KCNIP4: variants seen among roughly 807,000 people sequenced by gnomAD.
KCNIP4 encodes the protein potassium voltage-gated channel interacting protein 4.
Under a neutral mutation model 34.0 loss-of-function variants are expected in KCNIP4, and 12 were observed. The ratio of observed to expected loss-of-function variants is 0.35; its 90% CI spans 0.23 to 0.57. KCNIP4 has a LOEUF of 0.57. Ranked by LOEUF, KCNIP4 falls within the 20% of genes least tolerant of loss-of-function variation. The pLI, the probability that KCNIP4 is intolerant of heterozygous loss-of-function variation, is 0.83. For missense variants in KCNIP4, 238 were observed against 311.7 expected, an observed-to-expected ratio of 0.76 and a Z score of 1.78; for synonymous variants, 124 against 102.2, an observed-to-expected ratio of 1.21 and a Z score of -1.29.
At chr4:21,051,739 G>A (rs942910225) in intron 1 of KCNIP4, among the ~76,000 whole-genome samples, 3 of 152,132 alleles carry the variant, frequency 2.0e-5, no homozygotes, top group Non-Finnish European at 2.9e-5. Flanking sequence ...AGAGTGTGCA[G>A]CATATTGCAA....
chr4:21,615,340 A>G (rs982801487), intron 1 of KCNIP4, among the ~76,000 whole-genome samples: 2 of 151,632 alleles, frequency 1.3e-5, no homozygotes, highest in African/African-American at 4.8e-5. Context: ...GAAGATCGAG[A>G]CCATCCTGGC....
At chr4:21,946,160 C>T (rs1336055865) in intron 1 of KCNIP4, among the ~76,000 whole-genome samples, 1 of 151,832 alleles carries the variant, frequency 6.6e-6, no homozygotes, top group African/African-American at 2.4e-5. Context: ...CATCCTTTGC[C>T]TTTCAGCAAA....
rs1553893353 is a variant in KCNIP4, at chr4:21,501,688, T to TTGTGTGTGTATGTGTGTGTGTG, written c.61+446882_61+446883insCACACACACACATACACACACA. On this transcript the variant is annotated intron_variant, in intron 1 of 8. Transcript: ENST00000382152. ...TTCACATTTTGGGAATGCAGAAGCC[T>TTGTGTGTGTATGTGTGTGTGTG]TGTGTGTGTGTGTGTGTGTGTGTGT... Among the ~76,000 whole-genome samples, 1,116 of 127,302 alleles carry TTGTGTGTGTATGTGTGTGTGTG rather than the reference T, an allele frequency of 8.8e-3. 18 individuals are homozygous for TTGTGTGTGTATGTGTGTGTGTG. Among genetic ancestry groups the TTGTGTGTGTATGTGTGTGTGTG allele is most frequent in the East Asian group, 0.047 (219 of 4,636 alleles). The allele number at this position is 127,302 out of a possible 152,430, so 83.5% of individuals were successfully genotyped here. A position where few individuals can be genotyped will look rare whatever the true frequency, so the allele number is the denominator to read the frequency against.
chr4:20,824,092 T>C (rs1717424614), intron 3 of KCNIP4, among the ~76,000 whole-genome samples: 1 of 152,210 alleles, frequency 6.6e-6, no homozygotes, highest in South Asian at 2.1e-4. Context: ...TGTTGTTGTG[T>C]ATATTAACAT....
chr4:21,572,149 T>A (rs1213101207), intron 1 of KCNIP4, among the ~76,000 whole-genome samples: 1 of 152,188 alleles, frequency 6.6e-6, no homozygotes, highest in Non-Finnish European at 1.5e-5. Context: ...CATATATAAG[T>A]ACATATCTGT....
intron 2 of KCNIP4, among the ~76,000 whole-genome samples, chr4:20,870,363 C>A (rs1723316551): frequency 6.6e-6 from 1 of 152,038 alleles, no homozygotes; most frequent in Non-Finnish European, 1.5e-5. Flanking sequence ...GCTTGCTGCC[C>A]CTTCACCCGT....
At chr4:21,129,349 C>A (rs1445340787) in intron 1 of KCNIP4, among the ~76,000 whole-genome samples, 2 of 152,188 alleles carry the variant, frequency 1.3e-5, no homozygotes, top group Admixed American at 1.3e-4. Flanking sequence ...ATGTAGCACT[C>A]AGGACAAAGT....
intron 1 of KCNIP4, among the ~76,000 whole-genome samples, chr4:21,490,656 A>G (rs1732312269): frequency 6.6e-6 from 1 of 152,224 alleles, no homozygotes; most frequent in Admixed American, 6.5e-5. Context: ...AGAAGTGCAC[A>G]CTATTCATTT....
intron 1 of KCNIP4, among the ~76,000 whole-genome samples, chr4:21,342,674 C>T (rs376748029): frequency 1.3e-5 from 2 of 152,030 alleles, no homozygotes; most frequent in South Asian, 2.1e-4. Context: ...AATGTATTCA[C>T]CCCTTATTCT....
At chr4:21,331,008 T>C (rs1367680704) in intron 1 of KCNIP4, among the ~76,000 whole-genome samples, 2 of 152,170 alleles carry the variant, frequency 1.3e-5, no homozygotes, top group African/African-American at 4.8e-5. Flanking sequence ...TCCTAATTTG[T>C]TCCTGTGTCC....
intron 1 of KCNIP4, among the ~76,000 whole-genome samples, chr4:21,011,530 A>G (rs1023284953): frequency 6.6e-6 from 1 of 152,224 alleles, no homozygotes; most frequent in African/African-American, 2.4e-5. Flanking sequence ...CTTCTGGACT[A>G]TAAATGATTA....
intron 1 of KCNIP4, among the ~76,000 whole-genome samples, chr4:21,609,804 T>C (rs867742515): frequency 6.6e-6 from 1 of 152,250 alleles, no homozygotes; most frequent in African/African-American, 2.4e-5. Context: ...TACTATGTGC[T>C]AAGACTGTGT....
chr4:21,670,940 G>A (rs1426661342), intron 1 of KCNIP4, among the ~76,000 whole-genome samples: 1 of 151,496 alleles, frequency 6.6e-6, no homozygotes, highest in Non-Finnish European at 1.5e-5. Flanking sequence ...ACAGGTGTGA[G>A]CCACCGCGCC....
chr4:20,729,479 T>TAAATGTTTAA lies in KCNIP4; in HGVS notation c.*593_*602dup, dbSNP rs1747258323. On this transcript the variant is annotated 3_prime_UTR_variant, in exon 9 of 9. Coordinates refer to ENST00000382152, the MANE Select transcript of KCNIP4 (RefSeq NM_025221.6). The stretch of plus-strand genomic sequence containing the variant: ...TGATATCTGATAATAAACTAATTTT[T>TAAATGTTTAA]AAATGTTTAATAATTTTTAAATGTT... The TAAATGTTTAA allele has an allele frequency of 8.4e-6, 1 of 118,400 alleles. No individual in the cohort carries two copies. Among genetic ancestry groups the TAAATGTTTAA allele is most frequent in the Admixed American group, 8.0e-5 (1 of 12,520 alleles). The allele number at this position is 118,400 out of a possible 1,614,324, so 7.3% of individuals were successfully genotyped here.
At chr4:21,243,813 C>G (rs1435006083) in intron 1 of KCNIP4, among the ~76,000 whole-genome samples, 2 of 151,894 alleles carry the variant, frequency 1.3e-5, no homozygotes, top group African/African-American at 4.8e-5. Flanking sequence ...CAACAAAAAC[C>G]CTGTTTCTTG....
intron 1 of KCNIP4, among the ~76,000 whole-genome samples, chr4:20,994,515 A>G (rs1310549150): frequency 6.6e-6 from 1 of 152,216 alleles, no homozygotes; most frequent in Non-Finnish European, 1.5e-5. Flanking sequence ...CAAAATATTA[A>G]AAAGGGAACA....
chr4:21,520,661 C>A (rs899422146), intron 1 of KCNIP4, among the ~76,000 whole-genome samples: 1 of 152,134 alleles, frequency 6.6e-6, no homozygotes, highest in African/African-American at 2.4e-5. Context: ...AAGAAGCCCA[C>A]AGAGGAAATT....
intron 1 of KCNIP4, among the ~76,000 whole-genome samples, chr4:21,830,330 T>C (rs1411955941): frequency 6.6e-6 from 1 of 152,084 alleles, no homozygotes; most frequent in African/African-American, 2.4e-5. Flanking sequence ...CATTTAAACC[T>C]ATAAAGCAAA....
chr4:21,196,511 T>TA (rs1402842071), intron 1 of KCNIP4, among the ~76,000 whole-genome samples: 1 of 152,182 alleles, frequency 6.6e-6, no homozygotes, highest in African/African-American at 2.4e-5. Flanking sequence ...AAGACTTTCT[T>TA]ACTTTCGAGG....
Sources: allele counts gnomAD v4.1 joint callset (sites outside exome capture counted in the v4.1 genomes callset), GRCh38; gene constraint gnomAD v4.1.1; transcripts MANE v1.5; gene names NCBI Gene and HGNC (gene_info 2026-07-23, HGNC 2026-07-21).